Variants in ALMS1 observed in about 807,000 individuals in gnomAD.
ALMS1 encodes centrosome-associated protein ALMS1.
Under a neutral mutation model 352.2 loss-of-function variants are expected in ALMS1, and 271 were observed. The observed-to-expected ratio is 0.77, with a 90% CI of 0.70 to 0.85. The LOEUF (loss-of-function observed/expected upper bound fraction) is 0.85. Ranked by LOEUF, ALMS1 falls within the 40% of genes least tolerant of loss-of-function variation. ALMS1 has a pLI of 0.00. For missense variants in ALMS1, 5,445 were observed against 4,870.7 expected, an observed-to-expected ratio of 1.12 and a Z score of -3.51; for synonymous variants, 1,865 against 1,761.2, an observed-to-expected ratio of 1.06 and a Z score of -1.48.
At chr2:73,423,460 C>T (rs983758644) in intron 4 of ALMS1, among the ~76,000 whole-genome samples, 2 of 152,076 alleles carry the variant, frequency 1.3e-5, no homozygotes, top group African/African-American at 2.4e-5. Context: ...CAGACATATC[C>T]AAATGAACAG....
intron 9 of ALMS1, among the ~76,000 whole-genome samples, chr2:73,467,835 A>G (rs747410754): frequency 1.8e-4 from 28 of 152,190 alleles, no homozygotes; most frequent in Non-Finnish European, 3.5e-4. Context: ...AGCCAGACAC[A>G]AAGAGTCATA....
At chr2:73,567,113 C>T (rs538777720) in intron 15 of ALMS1, among the ~76,000 whole-genome samples, 1 of 152,224 alleles carries the variant, frequency 6.6e-6, no homozygotes, top group East Asian at 1.9e-4. Flanking sequence ...AAATCATTGG[C>T]CATTGGTGAT....
chr2:73,566,840 G>A (rs1008554239), intron 15 of ALMS1, among the ~76,000 whole-genome samples: 3 of 152,222 alleles, frequency 2.0e-5, no homozygotes, highest in Non-Finnish European at 4.4e-5. Context: ...CTCAGGTTTG[G>A]TAATTTGCTC....
chr2:73,388,694 C>T (rs1438935958), intron 1 of ALMS1, among the ~76,000 whole-genome samples: 2 of 152,210 alleles, frequency 1.3e-5, no homozygotes, highest in African/African-American at 4.8e-5. Context: ...TATATTAATA[C>T]ATACTACATT....
intron 9 of ALMS1, among the ~76,000 whole-genome samples, chr2:73,484,434 G>A (rs1240132298): frequency 1.3e-5 from 2 of 151,426 alleles, no homozygotes; most frequent in Non-Finnish European, 2.9e-5. Flanking sequence ...GGTTTCTGCC[G>A]AGAGATCCGC....
At chr2:73,561,810 T>C (rs2104072049) in intron 15 of ALMS1, among the ~76,000 whole-genome samples, 1 of 152,218 alleles carries the variant, frequency 6.6e-6, no homozygotes, top group Non-Finnish European at 1.5e-5. Flanking sequence ...GAGACATAGC[T>C]TGCAAAAGAA....
intron 8 of ALMS1, 119 bp downstream of exon 8, chr2:73,454,186 T>G (rs1672011490): frequency 6.7e-7 from 1 of 1,485,520 alleles, no homozygotes; most frequent in African/African-American, 1.4e-5. Flanking sequence ...AGAAAAAAAA[T>G]GAAGTTAGAT....
At position 73,489,899 on chromosome 2, in the gene ALMS1, A is replaced by T; in HGVS notation, c.7940A>T (p.Gln2647Leu). The T allele has an allele frequency of 6.2e-7, 1 of 1,614,220 alleles. No individual in the cohort carries two copies. The highest frequency in any genetic ancestry group is 8.5e-7 in the Non-Finnish European group (1 of 1,180,036). ...NSHFKVWNSLQLKSHSPFQNF... is the reference protein window; with the variant it reads ...NSHFKVWNSLLLKSHSPFQNF... ...CATTTCAAAGTTTGGAATTCCTTGC[A>T]GTTAAAAAGTCATTCCCCATTTCAG... The change falls in exon 10 of 23, where the codon CAG becomes CTG. Residue 2647 changes from glutamine (Q) to leucine (L), a missense_variant. Physicochemically the swap from Gln to Leu is moderately radical, Grantham distance 113. Coordinates refer to ENST00000613296, the MANE Select transcript of ALMS1 (RefSeq NM_001378454.1).
Position 73,448,806 on chromosome 2 carries a change from A to T in ALMS1, c.2279A>T (p.Gln760Leu). 6.2e-7 allele frequency: 1 copy of T among 1,613,908 alleles called. No individual in the cohort carries two copies. ...ADQKTEIPAVQSSSYSQREKP... is the reference protein window; with the variant it reads ...ADQKTEIPAVLSSSYSQREKP... ...CAGAAGACTGAGATACCAGCAGTAC[A>T]GTCTAGTTCTTACTCACAAAGAGAA... is the stretch of plus-strand genomic sequence containing the variant. Residue 760 changes from glutamine to leucine, a missense_variant, in exon 8 of 23, where the codon CAG (glutamine) becomes CTG (leucine). Gln to Leu is a moderately radical substitution (Grantham distance 113, BLOSUM62 -2). Coordinates refer to ENST00000613296, the MANE Select transcript of ALMS1 (RefSeq NM_001378454.1).
At chr2:73,483,725 A>G (rs1205490123) in intron 9 of ALMS1, among the ~76,000 whole-genome samples, 1 of 148,860 alleles carries the variant, frequency 6.7e-6, no homozygotes, top group Non-Finnish European at 1.5e-5. Context: ...TTTGTAGGTC[A>G]CTCAGGACTT....
intron 7 of ALMS1, among the ~76,000 whole-genome samples, chr2:73,438,168 T>C (rs1261463881): frequency 1.3e-5 from 2 of 152,114 alleles, no homozygotes; most frequent in East Asian, 1.9e-4. Context: ...CCCTCATCAA[T>C]AGGGTGAAGA....
At chr2:73,446,207 G>A (rs1297819039) in intron 7 of ALMS1, among the ~76,000 whole-genome samples, 1 of 151,972 alleles carries the variant, frequency 6.6e-6, no homozygotes, top group African/African-American at 2.4e-5. Context: ...CTTATCTTAT[G>A]TAACCTGGAT....
At chr2:73,387,845 A>G (rs879662891) in intron 1 of ALMS1, among the ~76,000 whole-genome samples, 3 of 152,204 alleles carry the variant, frequency 2.0e-5, no homozygotes, top group Non-Finnish European at 4.4e-5. Flanking sequence ...AGATGATGAA[A>G]GTTTGGAATA....
At chr2:73,432,903 C>T (rs551087723) in intron 7 of ALMS1, among the ~76,000 whole-genome samples, 2 of 152,184 alleles carry the variant, frequency 1.3e-5, no homozygotes, top group African/African-American at 4.8e-5. Context: ...CTGTTTATTC[C>T]TTTGTGTGAC....
intron 10 of ALMS1, among the ~76,000 whole-genome samples, chr2:73,509,033 A>G (rs889924465): frequency 6.6e-6 from 1 of 152,006 alleles, no homozygotes; most frequent in Non-Finnish European, 1.5e-5. Context: ...ATCAGAGACT[A>G]GGATTTCAAC....
chr2:73,533,160 G>A (rs1673957662), intron 11 of ALMS1, among the ~76,000 whole-genome samples: 1 of 152,204 alleles, frequency 6.6e-6, no homozygotes, highest in Admixed American at 6.5e-5. Context: ...CCCTCTCCTG[G>A]AGCAAGCTGT....
intron 9 of ALMS1, among the ~76,000 whole-genome samples, chr2:73,464,161 A>T (rs1446037165): frequency 2.0e-5 from 3 of 152,214 alleles, no homozygotes; most frequent in Non-Finnish European, 2.9e-5. Flanking sequence ...ATTTTAGACC[A>T]ATATCCCTGA....
chr2:73,531,858 C>G (rs1572999164), intron 11 of ALMS1, among the ~76,000 whole-genome samples: 1 of 152,226 alleles, frequency 6.6e-6, no homozygotes, highest in African/African-American at 2.4e-5. Context: ...ACTGCCACTT[C>G]TAAACCATCA....
Position 73,490,036 on chromosome 2 carries a change from G to T in ALMS1, c.8077G>T (p.Glu2693Ter), listed in dbSNP as rs1411820884. Residue 2693 changes from glutamate (E) to a stop codon, truncating the protein, a stop_gained, in exon 10 of 23, where the codon GAA becomes TAA. Coordinates refer to ENST00000613296, the MANE Select transcript of ALMS1 (RefSeq NM_001378454.1). LOFTEE classifies it high-confidence loss of function. ...LVEPAFVPPK[E>*]VDFHSSSQMP... ...AGAACCTGCTTTTGTGCCACCTAAA[G>T]AAGTGGATTTTCATTCTTCATCACA... The T allele has an allele frequency of 6.2e-7, 1 of 1,614,088 alleles. No individual in the cohort carries two copies. Among genetic ancestry groups the T allele is most frequent in the African/African-American group, 1.3e-5 (1 of 74,926 alleles).
Sources: gnomAD v4.1 joint callset for allele counts (sites outside exome capture counted in the v4.1 genomes callset) on GRCh38, gnomAD v4.1.1 for gene constraint, MANE v1.5 for transcripts, NCBI Gene and HGNC (gene_info 2026-07-23, HGNC 2026-07-21) for gene names.